LEO1: variants seen among roughly 807,000 people sequenced by gnomAD.
LEO1 encodes LEO1 component of Paf1/RNA polymerase II complex.
Under a neutral mutation model 80.4 loss-of-function variants are expected in LEO1, and 34 were observed. The observed-to-expected ratio is 0.42, with a 90% CI of 0.32 to 0.56. The LOEUF (loss-of-function observed/expected upper bound fraction) is 0.56. Ranked by LOEUF, LEO1 falls within the 20% of genes least tolerant of loss-of-function variation. LEO1 has a pLI of 0.10. For missense variants in LEO1, 631 were observed against 814.2 expected, an observed-to-expected ratio of 0.77 and a Z score of 2.74; for synonymous variants, 262 against 274.9, an observed-to-expected ratio of 0.95 and a Z score of 0.46.
At chr15:51,950,046 C>T in intron 9 of LEO1, 52 bp from the exon 10 acceptor site, 1 of 1,398,846 alleles carries the variant, frequency 7.1e-7, no homozygotes, top group Non-Finnish European at 9.7e-7. Flanking sequence ...ACTTTTGTGC[C>T]CACTTGAACC....
intron 8 of LEO1, 58 bp downstream of exon 8, chr15:51,953,071 C>T: frequency 1.4e-6 from 2 of 1,452,368 alleles, no homozygotes; most frequent in Non-Finnish European, 1.9e-6. Flanking sequence ...ATTACAGAAA[C>T]ATCTATGTTT....
chr15:51,943,987 CCAA>C (rs1347562374), intron 11 of LEO1, among the ~76,000 whole-genome samples: 1 of 152,048 alleles, frequency 6.6e-6, no homozygotes, highest in Non-Finnish European at 1.5e-5. Flanking sequence ...ACTAAACACA[CCAA>C]CATACACCTA....
At chr15:51,952,043 C>G in intron 8 of LEO1, 64 bp from the exon 9 acceptor site, 1 of 1,464,338 alleles carries the variant, frequency 6.8e-7, no homozygotes, top group Non-Finnish European at 9.4e-7. Context: ...CCAGTGATAC[C>G]CACGTCACAG....
intron 9 of LEO1, among the ~76,000 whole-genome samples, chr15:51,951,223 G>A (rs1296047602): frequency 1.3e-5 from 2 of 152,240 alleles, no homozygotes; most frequent in Non-Finnish European, 2.9e-5. Context: ...AGAGAAGATG[G>A]AGAGGAGAAA....
At chr15:51,947,024 C>A in intron 11 of LEO1, 1 of 416,570 alleles carries the variant, frequency 2.4e-6, no homozygotes, top group Non-Finnish European at 4.3e-6. Context: ...CTACCAGAGA[C>A]AGGACAGTTT....
rs1407322671 is a variant in LEO1, at chr15:51,966,315, C to A, written c.248G>T (p.Arg83Ile). The A allele has an allele frequency of 6.2e-7, 1 of 1,614,066 alleles. No homozygotes were observed. The highest frequency in any genetic ancestry group is 1.3e-5 in the African/African-American group (1 of 74,934). ...AGAAGCTTCTGATCTATTGTCTGAT[C>A]TTTCAGAGTGATTATCACTACCACT... Reference protein sequence around the residue: ...HHSGSDNHSERSDNRSEASER... With the variant: ...HHSGSDNHSEISDNRSEASER... Residue 83 changes from arginine (R) to isoleucine (I), a missense_variant, in exon 2 of 12, where the codon AGA becomes ATA. Physicochemically the swap from Arg to Ile is moderately conservative, Grantham distance 97. Coordinates refer to ENST00000299601, the MANE Select transcript of LEO1 (RefSeq NM_138792.4).
chr15:51,969,493 G>T (rs2057105232), intron 1 of LEO1, among the ~76,000 whole-genome samples: 3 of 151,070 alleles, frequency 2.0e-5, no homozygotes, highest in Admixed American at 2.0e-4. Context: ...AAATTAGCAG[G>T]GTGTGGTGGC....
In LEO1 at chr15:51,965,968, C is replaced by T. The variant is rs1163165123; in HGVS notation, c.595G>A (p.Asp199Asn). ...TCCTCAGATAGCTGTTGTCTCTCAT[C>T]ATCGGAAAGCTGAGGCCTCTCCTCA... Reference protein sequence around the residue: ...DDEERPQLSDDERQQLSEEEK... With the variant: ...DDEERPQLSDNERQQLSEEEK... Residue 199 changes from aspartate to asparagine, a missense_variant, in exon 2 of 12, where the codon GAT becomes AAT. Asp to Asn is a conservative substitution (Grantham distance 23). Transcript: ENST00000299601. 1 of 1,614,004 alleles carries T rather than the reference C, an allele frequency of 6.2e-7. No homozygotes were observed. The highest frequency in any genetic ancestry group is 1.3e-5 in the African/African-American group (1 of 75,038).
At chr15:51,957,003 A>C (rs1372703143) in intron 6 of LEO1, among the ~76,000 whole-genome samples, 1 of 151,538 alleles carries the variant, frequency 6.6e-6, no homozygotes, top group African/African-American at 2.4e-5. Context: ...ATTTTTTTTT[A>C]TTTTTAGTAG....
chr15:51,965,866 C>T lies in LEO1; in HGVS notation c.697G>A (p.Glu233Lys). The T allele has an allele frequency of 6.2e-7, 1 of 1,614,100 alleles. No individual in the cohort carries two copies. The highest frequency in any genetic ancestry group is 1.7e-5 in the Admixed American group (1 of 60,012). Reference sequence around the variant, plus strand: ...TCTTCATCAGACAGCTGTGGTTGTTCTTCATCATCAGAATTCTGTTTCTCA... The same window carrying T: ...TCTTCATCAGACAGCTGTGGTTGTTTTTCATCATCAGAATTCTGTTTCTCA... ...DDEKQNSDDE[E>K]QPQLSDEEKM... is the part of the protein sequence containing the mutation. The change falls in exon 2 of 12, where the codon GAA (glutamate) becomes AAA (lysine). Residue 233 changes from glutamate to lysine, a missense_variant. By Grantham distance (56) the Glu-to-Lys change is moderately conservative. Around this residue, in one of 4 missense-constraint regions of LEO1, gnomAD observed 394 missense variants for 395.6 expected, o/e 1.00. Transcript: ENST00000299601.
At chr15:51,964,849 A>T (rs556772919) in intron 2 of LEO1, among the ~76,000 whole-genome samples, 3 of 152,330 alleles carry the variant, frequency 2.0e-5, no homozygotes, top group Non-Finnish European at 4.4e-5. Context: ...AAGAAATATG[A>T]TCTCTAATTT....
At chr15:51,958,405 G>C (rs1449863492) in intron 6 of LEO1, among the ~76,000 whole-genome samples, 1 of 152,096 alleles carries the variant, frequency 6.6e-6, no homozygotes, top group African/African-American at 2.4e-5. Flanking sequence ...CCAAGAGCTG[G>C]GTTTGTGCCG....
At chr15:51,962,327 C>T (rs1443556749) in intron 3 of LEO1, 62 bp downstream of exon 3, 3 of 1,086,076 alleles carry the variant, frequency 2.8e-6, no homozygotes, top group Non-Finnish European at 4.0e-6. Flanking sequence ...GTTAGAAATG[C>T]ACTACAGTTA....
chr15:51,942,938 C>A (rs796198748), intron 11 of LEO1, among the ~76,000 whole-genome samples: 146 of 136,594 alleles, frequency 1.1e-3, no homozygotes, highest in African/African-American at 1.5e-3. Flanking sequence ...AAAAAAAAAA[C>A]CAAAAAAAAA....
intron 6 of LEO1, chr15:51,954,868 G>T: frequency 3.4e-6 from 1 of 297,768 alleles, no homozygotes; most frequent in African/African-American, 2.2e-5. Context: ...CTAACCCCGA[G>T]ATGTGTTAAG....
chr15:51,966,921 A>C lies in LEO1; in HGVS notation c.59-417T>G, dbSNP rs758822935. The stretch of plus-strand genomic sequence containing the variant: ...GTGAGACTTTGTCTCAAAGAAAAAA[A>C]AGAAAAAGAAAAAGAAAAATATATT... On this transcript the variant is annotated intron_variant, in intron 1 of 11. Coordinates refer to ENST00000299601, the MANE Select transcript of LEO1 (RefSeq NM_138792.4). 1.8e-4 allele frequency among the ~76,000 whole-genome samples: 27 copies of C among 152,188 alleles called. No homozygotes were observed. The South Asian group carries it at 2.9e-3, about 16-fold the overall frequency.
chr15:51,960,145 G>T, intron 4 of LEO1, 101 bp from the exon 5 acceptor site: 3 of 944,820 alleles, frequency 3.2e-6, no homozygotes, highest in Non-Finnish European at 4.8e-6. Flanking sequence ...AACATAATTA[G>T]ATATCACTTT....
chr15:51,951,087 T>C (rs2554346), intron 9 of LEO1, among the ~76,000 whole-genome samples: 5,059 of 152,322 alleles, frequency 0.033, 275 homozygotes, highest in African/African-American at 0.12. Context: ...CAGCAGAGCC[T>C]GACCATAAGA....
chr15:51,966,289 C>T lies in LEO1; in HGVS notation c.274G>A (p.Glu92Lys). 6.2e-7 allele frequency: 1 copy of T among 1,614,086 alleles called. No homozygotes were observed. The highest frequency in any genetic ancestry group is 8.5e-7 in the Non-Finnish European group (1 of 1,180,022). ...TCATTGTCCTCATGGTCAGAACGCT[C>T]AGAAGCTTCTGATCTATTGTCTGAT... ...ERSDNRSEAS[E>K]RSDHEDNDPS... Residue 92 changes from glutamate to lysine, a missense_variant, in exon 2 of 12, where the codon GAG becomes AAG. Glu to Lys is a moderately conservative substitution (Grantham distance 56, BLOSUM62 1). Coordinates refer to ENST00000299601, the MANE Select transcript of LEO1 (RefSeq NM_138792.4).
Sources: allele counts gnomAD v4.1 joint callset (sites outside exome capture counted in the v4.1 genomes callset), GRCh38; gene constraint gnomAD v4.1.1; regional missense constraint gnomAD v4.1.1; transcripts MANE v1.5; gene names NCBI Gene and HGNC (gene_info 2026-07-23, HGNC 2026-07-21).